The following WDR25 variants were observed in gnomAD, a reference collection of about 807,000 sequenced individuals.
WDR25 encodes the protein WD repeat-containing protein 25.
Under a neutral mutation model 47.7 loss-of-function variants are expected in WDR25, and 35 were observed. That is an observed-to-expected ratio of 0.73 (90% confidence interval 0.56 to 0.97). The LOEUF (loss-of-function observed/expected upper bound fraction) is 0.97. WDR25 is among the 50% of genes least tolerant of loss of function. WDR25 has a pLI of 0.00. For missense variants in WDR25, 634 were observed against 704.7 expected, an observed-to-expected ratio of 0.90 and a Z score of 1.14; for synonymous variants, 248 against 278.9, an observed-to-expected ratio of 0.89 and a Z score of 1.10.
intron 2 of WDR25, among the ~76,000 whole-genome samples, chr14:100,437,108 G>A (rs1012099931): frequency 1.3e-5 from 2 of 152,160 alleles, no homozygotes; most frequent in African/African-American, 4.8e-5. Context: ...TTGAATGCTT[G>A]TATGCATGTT....
rs919169960 is a variant in WDR25 at position 100,502,379 on chromosome 14, C to A, written c.1101+18255C>A. Among the ~76,000 whole-genome samples the A allele has an allele frequency of 6.6e-6, 1 of 152,246 alleles. No individual in the cohort carries two copies. Among genetic ancestry groups the A allele is most frequent in the Non-Finnish European group, 1.5e-5 (1 of 68,042 alleles). On this transcript the variant is annotated intron_variant, in intron 4 of 6. Coordinates refer to ENST00000402312, the MANE Select transcript of WDR25 (RefSeq NM_001161476.3). This position sits in a 1 kb window ranked among gnomAD's most constrained non-coding sequence, Gnocchi z 4.5. ...AGTTTCCCCATCTGCCAGGAATAGG[C>A]TGAACTCCATGACCTAGCCTGTGTA... is the stretch of plus-strand genomic sequence containing the variant.
chr14:100,507,640 T>C (rs977415489), intron 4 of WDR25, among the ~76,000 whole-genome samples: 2 of 151,624 alleles, frequency 1.3e-5, no homozygotes, highest in Admixed American at 1.3e-4. Context: ...GATGTATTCC[T>C]AGGTATTTGT....
intron 2 of WDR25, among the ~76,000 whole-genome samples, chr14:100,386,738 A>G (rs557216381): frequency 3.9e-5 from 6 of 151,942 alleles, no homozygotes; most frequent in Admixed American, 2.0e-4. Flanking sequence ...CTAAAAATAC[A>G]AAAAATTAGC....
chr14:100,463,546 C>T (rs1290210423), intron 2 of WDR25, among the ~76,000 whole-genome samples: 2 of 152,214 alleles, frequency 1.3e-5, no homozygotes, highest in Non-Finnish European at 2.9e-5. Context: ...TGGGACTCCT[C>T]TCTGTCCTGT....
intron 5 of WDR25, among the ~76,000 whole-genome samples, chr14:100,527,837 GC>G (rs1303621053): frequency 6.6e-6 from 1 of 152,364 alleles, no homozygotes; most frequent in African/African-American, 2.4e-5. Context: ...GCTTCCTGCT[GC>G]TCCCCACTTT....
At chr14:100,378,595 G>T (rs1896789217) in intron 1 of WDR25, among the ~76,000 whole-genome samples, 1 of 152,150 alleles carries the variant, frequency 6.6e-6, no homozygotes, top group African/African-American at 2.4e-5. Flanking sequence ...GACACCTCAG[G>T]ACCTTAGCCT....
intron 4 of WDR25, among the ~76,000 whole-genome samples, chr14:100,503,259 A>C (rs1187947556): frequency 6.6e-6 from 1 of 152,124 alleles, no homozygotes; most frequent in African/African-American, 2.4e-5. Context: ...TTGCCTTTAA[A>C]GCGTGTCCCC....
chr14:100,505,969 G>T (rs1265038200), intron 4 of WDR25, among the ~76,000 whole-genome samples: 1 of 152,080 alleles, frequency 6.6e-6, no homozygotes, highest in Non-Finnish European at 1.5e-5. Context: ...TGTTACCTGG[G>T]TATAATGCGT....
At chr14:100,456,388 A>T (rs1899204003) in intron 2 of WDR25, among the ~76,000 whole-genome samples, 1 of 152,232 alleles carries the variant, frequency 6.6e-6, no homozygotes, top group Non-Finnish European at 1.5e-5. Context: ...AAGTAAAAAA[A>T]ATATGAACCA....
chr14:100,434,062 C>CAAA lies in WDR25; in HGVS notation c.823-33951_823-33949dup, dbSNP rs140976497. On this transcript the variant is annotated intron_variant, in intron 2 of 6. Coordinates refer to ENST00000402312, the MANE Select transcript of WDR25 (RefSeq NM_001161476.3). ...GCAACATAGTGAAAAGCCGTTTCTA[C>CAAA]AAAAAAAAAAGAAAAGAAAAAAAAA... Among the ~76,000 whole-genome samples the CAAA allele has an allele frequency of 2.6e-3, 348 of 132,794 alleles. 3 individuals carry two copies. The highest frequency in any genetic ancestry group is 9.0e-3 in the African/African-American group (333 of 37,086). The allele number at this position is 132,794 out of a possible 152,430, so 87.1% of individuals were successfully genotyped here. A position where few individuals can be genotyped will look rare whatever the true frequency, so the allele number is the denominator to read the frequency against.
At chr14:100,385,748 G>A (rs557590099) in intron 2 of WDR25, among the ~76,000 whole-genome samples, 5 of 152,060 alleles carry the variant, frequency 3.3e-5, no homozygotes, top group African/African-American at 7.2e-5. Context: ...ATCCCAGCAC[G>A]GATACCCTTT....
intron 4 of WDR25, among the ~76,000 whole-genome samples, chr14:100,520,317 T>C (rs1901675422): frequency 6.6e-6 from 1 of 152,118 alleles, no homozygotes; most frequent in African/African-American, 2.4e-5. Context: ...CTTTTTTGTT[T>C]TTATATTTTA....
At chr14:100,519,743 GTA>G (rs1156801389) in intron 4 of WDR25, among the ~76,000 whole-genome samples, 70 of 124,624 alleles carry the variant, frequency 5.6e-4, no homozygotes, top group African/African-American at 2.4e-3. Flanking sequence ...TGTATATATA[GTA>G]TATATATAGT....
chr14:100,461,834 A>G (rs906235748), intron 2 of WDR25, among the ~76,000 whole-genome samples: 1 of 152,100 alleles, frequency 6.6e-6, no homozygotes, highest in African/African-American at 2.4e-5. Flanking sequence ...AGGGAGGCGA[A>G]GGCTTACCCA....
chr14:100,452,183 T>C (rs1899056631), intron 2 of WDR25, among the ~76,000 whole-genome samples: 5 of 152,202 alleles, frequency 3.3e-5, no homozygotes. Flanking sequence ...TTCCTTCATG[T>C]ATCCATGCAT....
intron 2 of WDR25, among the ~76,000 whole-genome samples, chr14:100,403,306 C>T (rs1454032983): frequency 6.6e-6 from 1 of 152,232 alleles, no homozygotes; most frequent in Non-Finnish European, 1.5e-5. Context: ...CAAAGCGGGC[C>T]TGGGCTGCCT....
chr14:100,477,814 G>A (rs554083881), intron 3 of WDR25, among the ~76,000 whole-genome samples: 13 of 152,256 alleles, frequency 8.5e-5, no homozygotes, highest in Admixed American at 2.0e-4. Flanking sequence ...TATCCCAGCC[G>A]GGCGCCGTGG....
chr14:100,479,170 C>T (rs942911858), intron 3 of WDR25, among the ~76,000 whole-genome samples: 2 of 152,004 alleles, frequency 1.3e-5, no homozygotes, highest in East Asian at 3.9e-4. Context: ...GACCCCCAGC[C>T]GCTTGGCTGA....
At chr14:100,406,416 T>C (rs1020067427) in intron 2 of WDR25, among the ~76,000 whole-genome samples, 6 of 152,218 alleles carry the variant, frequency 3.9e-5, no homozygotes, top group Non-Finnish European at 8.8e-5. Flanking sequence ...TCAGTTTTCA[T>C]AGGAGTCACT....
Sources: allele counts gnomAD v4.1 joint callset (sites outside exome capture counted in the v4.1 genomes callset), GRCh38; gene constraint gnomAD v4.1.1; non-coding constraint Gnocchi (gnomAD v3.1); transcripts MANE v1.5; gene names NCBI Gene and HGNC (gene_info 2026-07-23, HGNC 2026-07-21).